Variants in SLC9A3 observed in about 807,000 individuals in gnomAD.
SLC9A3 encodes sodium/hydrogen exchanger 3.
In SLC9A3, 37 loss-of-function variants were observed where a neutral mutation model predicts 86.8. The ratio of observed to expected loss-of-function variants is 0.43; its 90% CI spans 0.33 to 0.56. The LOEUF is 0.56. Ranked by LOEUF, SLC9A3 falls within the 20% of genes least tolerant of loss-of-function variation. SLC9A3 has a pLI of 0.06. For missense variants in SLC9A3, 1,011 were observed against 1,171.9 expected, an observed-to-expected ratio of 0.86 and a Z score of 2.00; for synonymous variants, 581 against 528.3, an observed-to-expected ratio of 1.10 and a Z score of -1.37.
At chr5:501,951 C>T (rs1385352127) in intron 1 of SLC9A3, among the ~76,000 whole-genome samples, 1 of 152,236 alleles carries the variant, frequency 6.6e-6, no homozygotes, top group Non-Finnish European at 1.5e-5. Flanking sequence ...GAGGCCGGGC[C>T]CCCGGGCCGG....
intron 1 of SLC9A3, among the ~76,000 whole-genome samples, chr5:516,393 G>A (rs149011692): frequency 6.6e-6 from 1 of 152,296 alleles, no homozygotes; most frequent in African/African-American, 2.4e-5. Context: ...TCGATAAGAC[G>A]GATGAGACCA....
intron 1 of SLC9A3, among the ~76,000 whole-genome samples, chr5:511,332 G>T (rs1038623739): frequency 2.0e-5 from 3 of 152,226 alleles, no homozygotes; most frequent in African/African-American, 7.2e-5. Context: ...GAAAAAATTG[G>T]TAAGTTGGAC....
Position 477,390 on chromosome 5 carries a change from C to T in SLC9A3, c.1702G>A (p.Val568Ile), listed in dbSNP as rs1243193375. The T allele has an allele frequency of 3.1e-6, 5 of 1,613,266 alleles. No individual in the cohort carries two copies. Among genetic ancestry groups the T allele is most frequent in the Non-Finnish European group, 3.4e-6 (4 of 1,179,834 alleles). The change falls in exon 11 of 17, where the codon GTC (valine) becomes ATC (isoleucine). Residue 568 changes from valine (V) to isoleucine (I), a missense_variant. Physicochemically the swap from Val to Ile is conservative, Grantham distance 29. Around this residue, in one of 3 missense-constraint regions of SLC9A3, gnomAD observed 565 missense variants for 790.0 expected, o/e 0.72. Transcript: ENST00000264938. ...FIRSPSTDNVVNVDFTPRSST... is the reference protein window; with the variant it reads ...FIRSPSTDNVINVDFTPRSST... ...GATCGTGGCGTGAAGTCCACGTTGA[C>T]CACGTTGTCGGTGCTGGGGGAGCGG... is the stretch of plus-strand genomic sequence containing the variant.
At chr5:481,163 T>C (rs895980301) in intron 9 of SLC9A3, among the ~76,000 whole-genome samples, 4 of 152,244 alleles carry the variant, frequency 2.6e-5, no homozygotes, top group African/African-American at 9.6e-5. Context: ...GTGCTGGGAT[T>C]ACAGGCTTGA....
rs750226489 is a variant in SLC9A3, at chr5:473,400, G to A, written c.2502-18C>T. 1.3e-4 allele frequency: 176 copies of A among 1,396,332 alleles called. No homozygotes were observed. Among genetic ancestry groups the A allele is most frequent in the Non-Finnish European group, 1.6e-4 (167 of 1,067,374 alleles). 86.5% of individuals were successfully genotyped at this position (1,396,332 alleles called of 1,614,324 possible). A position where few individuals can be genotyped will look rare whatever the true frequency, so the allele number is the denominator to read the frequency against. Reference sequence around the variant, plus strand: ...GGTGTCACCTGCGGGAGAGGAAGGCGTGAGCGGCGCGCGGAGCCCGGGCGC... The same window carrying A: ...GGTGTCACCTGCGGGAGAGGAAGGCATGAGCGGCGCGCGGAGCCCGGGCGC... On this transcript the variant is annotated intron_variant, in intron 16 of 16. Transcript: ENST00000264938.
chr5:487,030 A>G (rs1220584211), intron 3 of SLC9A3, among the ~76,000 whole-genome samples: 10 of 6,766 alleles, frequency 1.5e-3, no homozygotes, highest in East Asian at 2.8e-3. Context: ...GACACCCACC[A>G]CACTGACACC....
At chr5:499,253 T>G (rs1740159681) in intron 1 of SLC9A3, among the ~76,000 whole-genome samples, 1 of 152,272 alleles carries the variant, frequency 6.6e-6, no homozygotes, top group African/African-American at 2.4e-5. Context: ...TGCTAGTAGT[T>G]TGGCAATTAA....
At chr5:523,620 AAAG>A (rs1461391696) in intron 1 of SLC9A3, among the ~76,000 whole-genome samples, 2 of 152,006 alleles carry the variant, frequency 1.3e-5, no homozygotes, top group East Asian at 1.9e-4. Context: ...AAAAAAAAAA[AAAG>A]GAGGCCCGCC....
intron 2 of SLC9A3, among the ~76,000 whole-genome samples, chr5:490,312 G>A (rs1171446996): frequency 5.3e-5 from 8 of 151,764 alleles, no homozygotes; most frequent in African/African-American, 9.7e-5. Context: ...CCAGCGTGGC[G>A]AGGGGCAGGG....
intron 3 of SLC9A3, 64 bp downstream of exon 3, chr5:488,252 G>C: frequency 6.4e-7 from 1 of 1,563,474 alleles, no homozygotes. Flanking sequence ...GACCGATGGG[G>C]GGTGAGACGG....
chr5:507,159 G>C (rs1056047403), intron 1 of SLC9A3, among the ~76,000 whole-genome samples: 9 of 60,464 alleles, frequency 1.5e-4, no homozygotes, highest in Non-Finnish European at 3.0e-4. Context: ...GGATCCGGCT[G>C]CTGCTTCTTT....
chr5:475,612 TC>T lies in SLC9A3; in HGVS notation c.2199del (p.Ile734SerfsTer68), dbSNP rs1193005485. ...TTGGTGACACTAGCCAGGAACTCGA[TC>T]CCCCCACTCATCTCCTCATCATAGT... ...PPNYDEEMSG[G>X]IEFLASVTKD... On this transcript the variant is annotated frameshift_variant, in exon 15 of 17. Coordinates refer to ENST00000264938, the MANE Select transcript of SLC9A3 (RefSeq NM_004174.4). LOFTEE classifies it high-confidence loss of function. 1 of 1,552,528 alleles carries T rather than the reference TC, an allele frequency of 6.4e-7. No homozygotes were observed. Among genetic ancestry groups the T allele is most frequent in the Non-Finnish European group, 8.7e-7 (1 of 1,147,256 alleles).
rs1381302813 is a variant in SLC9A3 at position 473,227 on chromosome 5, G to C, written c.*152C>G. ...GCAGGCGCGGCACTCTCGGAGTTCT[G>C]CGCAGGCGCTGGCGTGGGCGAGGCG... On this transcript the variant is annotated 3_prime_UTR_variant, in exon 17 of 17. Transcript: ENST00000264938. 1 of 869,354 alleles carries C rather than the reference G, an allele frequency of 1.2e-6. No individual in the cohort carries two copies. Among genetic ancestry groups the C allele is most frequent in the Non-Finnish European group, 1.5e-6 (1 of 659,820 alleles). The allele number at this position is 869,354 out of a possible 1,614,324, so 53.9% of individuals were successfully genotyped here.
In SLC9A3 at chr5:476,553, G is replaced by T; in HGVS notation, c.1880C>A (p.Pro627Gln). The change falls in exon 12 of 17, where the codon CCG becomes CAG. Residue 627 changes from proline (P) to glutamine (Q), a missense_variant. Coordinates refer to ENST00000264938, the MANE Select transcript of SLC9A3 (RefSeq NM_004174.4). Reference sequence around the variant, plus strand: ...GCCCGCAGTGCCCACCTCCTGCCGCGGCTTGTACAGGTACTGCTGTAGCGT... The same window carrying T: ...GCCCGCAGTGCCCACCTCCTGCCGCTGCTTGTACAGGTACTGCTGTAGCGT... ...HHTLQQYLYK[P>Q]RQEYKHLYSR... The T allele has an allele frequency of 6.2e-7, 1 of 1,611,206 alleles. No homozygotes were observed. The highest frequency in any genetic ancestry group is 8.5e-7 in the Non-Finnish European group (1 of 1,179,774).
rs1733976566 is a variant in SLC9A3, at chr5:524,373, G to T, written c.-51C>A. 2 of 851,154 alleles carry T rather than the reference G, an allele frequency of 2.3e-6. No homozygotes were observed. The highest frequency in any genetic ancestry group is 1.5e-6 in the Non-Finnish European group (1 of 663,748). The allele number at this position is 851,154 out of a possible 1,614,324, so 52.7% of individuals were successfully genotyped here. A position where few individuals can be genotyped will look rare whatever the true frequency, so the allele number is the denominator to read the frequency against. ...GACGCGCATGTCGCGGGGGGTCCCG[G>T]CTGGGCTGGGCCGACGCGCGGGGCT... On this transcript the variant is annotated 5_prime_UTR_variant, in exon 1 of 17. Transcript: ENST00000264938.
At chr5:501,559 G>C (rs1740279252) in intron 1 of SLC9A3, among the ~76,000 whole-genome samples, 2 of 152,296 alleles carry the variant, frequency 1.3e-5, no homozygotes, top group South Asian at 2.1e-4. Flanking sequence ...CACGCACACA[G>C]AGACTCGCAG....
chr5:494,076 G>C (rs1215818757), intron 1 of SLC9A3, among the ~76,000 whole-genome samples: 1 of 152,244 alleles, frequency 6.6e-6, no homozygotes, highest in Admixed American at 6.5e-5. Flanking sequence ...GTCTGCTCCA[G>C]CTTTCAGCAG....
At chr5:477,808 G>A (rs1314659877) in intron 10 of SLC9A3, 1 of 202,050 alleles carries the variant, frequency 4.9e-6, no homozygotes, top group Non-Finnish European at 1.0e-5. Flanking sequence ...CCCTGCAGGA[G>A]ACCCTAAAAC....
Position 473,156 on chromosome 5 carries a change from C to T in SLC9A3, c.*223G>A, listed in dbSNP as rs1484081004. 4 of 388,256 alleles carry T rather than the reference C, an allele frequency of 1.0e-5. No individual in the cohort carries two copies. The highest frequency in any genetic ancestry group is 1.7e-5 in the Non-Finnish European group (4 of 241,196). 24.1% of individuals were successfully genotyped at this position (388,256 alleles called of 1,614,324 possible). A position where few individuals can be genotyped will look rare whatever the true frequency, so the allele number is the denominator to read the frequency against. On this transcript the variant is annotated 3_prime_UTR_variant, in exon 17 of 17. Coordinates refer to ENST00000264938, the MANE Select transcript of SLC9A3 (RefSeq NM_004174.4). The stretch of plus-strand genomic sequence containing the variant: ...GCCCTCGGCGCTCCGGCCCCGCCCC[C>T]GGCGCAGGCCCCGCCCCCGGCTCGC...
Sources: allele counts gnomAD v4.1 joint callset (sites outside exome capture counted in the v4.1 genomes callset), GRCh38; gene constraint gnomAD v4.1.1; regional missense constraint gnomAD v4.1.1; transcripts MANE v1.5; gene names NCBI Gene and HGNC (gene_info 2026-07-23, HGNC 2026-07-21).